The following CLMN variants were observed in gnomAD, a reference collection of about 807,000 sequenced individuals.
CLMN encodes calmin.
In CLMN, 57 loss-of-function variants were observed where a neutral mutation model predicts 92.7. The observed-to-expected ratio is 0.61, with a 90% CI of 0.50 to 0.77. CLMN has a LOEUF of 0.77. Ranked by LOEUF, CLMN falls within the 30% of genes least tolerant of loss-of-function variation. The pLI is 0.00. For missense variants in CLMN, 1,158 were observed against 1,237.5 expected, an observed-to-expected ratio of 0.94 and a Z score of 0.96; for synonymous variants, 466 against 470.6, an observed-to-expected ratio of 0.99 and a Z score of 0.13.
chr14:95,193,880 G>A lies in CLMN; in HGVS notation c.2809C>T (p.Leu937=). The change falls in exon 12 of 13, where the codon CTG becomes TTG. Residue 937 remains leucine, a synonymous_variant. Coordinates refer to ENST00000298912, the MANE Select transcript of CLMN (RefSeq NM_024734.4). ...SYVQLRNAAD[L]DDRRNRILTR... ...AATATTCGGTTTCTTCTGTCATCCA[G>A]ATCTGCTGCGTTCCTCAACTGAACA... 1 of 1,614,098 alleles carries A rather than the reference G, an allele frequency of 6.2e-7. No homozygotes were observed. Among genetic ancestry groups the A allele is most frequent in the Non-Finnish European group, 8.5e-7 (1 of 1,180,004 alleles).
intron 1 of CLMN, among the ~76,000 whole-genome samples, chr14:95,273,886 A>G (rs1899814252): frequency 6.6e-6 from 1 of 152,072 alleles, no homozygotes; most frequent in African/African-American, 2.4e-5. Context: ...CATGAACCTC[A>G]TGAACCTCAT....
intron 1 of CLMN, among the ~76,000 whole-genome samples, chr14:95,282,383 G>A (rs1900174073): frequency 6.6e-6 from 1 of 152,234 alleles, no homozygotes; most frequent in Non-Finnish European, 1.5e-5. Context: ...GGAAGCTTTT[G>A]TAGTCTAGGC....
chr14:95,209,676 G>A (rs1474903930), intron 7 of CLMN, among the ~76,000 whole-genome samples, 199 bp from the exon 8 acceptor site: 2 of 152,220 alleles, frequency 1.3e-5, no homozygotes, highest in Non-Finnish European at 2.9e-5. Context: ...AGAGAAGCAA[G>A]GATATAGAAT....
rs556716474 is a variant in CLMN, at chr14:95,242,429, T to G, written c.83-12296A>C. On this transcript the variant is annotated intron_variant, in intron 1 of 12. Coordinates refer to ENST00000298912, the MANE Select transcript of CLMN (RefSeq NM_024734.4). ...ATGCACCGCCATGCCTGGCTAATTT[T>G]TTGTATTTCTAGTAGAGATGGGGTT... Among the ~76,000 whole-genome samples, 13 of 151,732 alleles carry G rather than the reference T, an allele frequency of 8.6e-5. No homozygotes were observed. The South Asian group carries it at 2.5e-3, about 29-fold the overall frequency.
intron 1 of CLMN, among the ~76,000 whole-genome samples, chr14:95,267,912 C>A (rs2140714361): frequency 6.6e-6 from 1 of 152,278 alleles, no homozygotes; most frequent in East Asian, 1.9e-4. Flanking sequence ...GTTAAACAAC[C>A]AGGCATAAAA....
chr14:95,291,712 T>C (rs1204660170), intron 1 of CLMN, among the ~76,000 whole-genome samples: 1 of 152,108 alleles, frequency 6.6e-6, no homozygotes, highest in Admixed American at 6.5e-5. Context: ...ATCTGTCCTC[T>C]AAGATCACCA....
intron 1 of CLMN, among the ~76,000 whole-genome samples, chr14:95,297,825 A>G (rs1900873802): frequency 1.3e-5 from 2 of 151,572 alleles, no homozygotes; most frequent in South Asian, 4.2e-4. Flanking sequence ...ACACACACAC[A>G]CACACACACA....
chr14:95,249,356 G>A (rs1376969378), intron 1 of CLMN, among the ~76,000 whole-genome samples: 1 of 152,158 alleles, frequency 6.6e-6, no homozygotes, highest in East Asian at 1.9e-4. Flanking sequence ...AACCTGGTGG[G>A]AAACTGGCAC....
At chr14:95,283,109 T>C (rs527593817) in intron 1 of CLMN, among the ~76,000 whole-genome samples, 28 of 152,280 alleles carry the variant, frequency 1.8e-4, no homozygotes, top group Admixed American at 1.6e-3. Flanking sequence ...AATTCCCACA[T>C]GTTGTGAGAG....
At chr14:95,245,331 A>G (rs1254105702) in intron 1 of CLMN, among the ~76,000 whole-genome samples, 1 of 75,828 alleles carries the variant, frequency 1.3e-5, no homozygotes, top group Non-Finnish European at 2.3e-5. Context: ...GCTACCTCAA[A>G]TGTCCAAGAA....
chr14:95,318,721 C>T (rs149706650), intron 1 of CLMN, among the ~76,000 whole-genome samples: 29 of 152,204 alleles, frequency 1.9e-4, no homozygotes, highest in African/African-American at 7.0e-4. Context: ...AGAAACTTCA[C>T]CTGCACAGGT....
intron 1 of CLMN, among the ~76,000 whole-genome samples, chr14:95,245,209 T>TCAC (rs35600507): frequency 5.1e-5 from 1 of 19,626 alleles, no homozygotes; most frequent in Non-Finnish European, 8.1e-5. Flanking sequence ...ATATATATAT[T>TCAC]ATATATATAT....
chr14:95,197,985 G>A (rs1358439998), intron 9 of CLMN, among the ~76,000 whole-genome samples: 1 of 148,704 alleles, frequency 6.7e-6, no homozygotes, highest in Non-Finnish European at 1.5e-5. Context: ...TTCAAGATCA[G>A]AAGAAAAACT....
chr14:95,295,946 T>A (rs1007878408), intron 1 of CLMN, among the ~76,000 whole-genome samples: 6 of 152,250 alleles, frequency 3.9e-5, no homozygotes, highest in African/African-American at 1.4e-4. Flanking sequence ...ATGTGGTTGC[T>A]GAAAACAACC....
chr14:95,310,577 C>T (rs1901492501), intron 1 of CLMN, among the ~76,000 whole-genome samples: 1 of 152,224 alleles, frequency 6.6e-6, no homozygotes, highest in South Asian at 2.1e-4. Context: ...GTCCAGCCTA[C>T]AACGCTTCTA....
At chr14:95,257,408 C>T (rs543985487) in intron 1 of CLMN, among the ~76,000 whole-genome samples, 1 of 151,938 alleles carries the variant, frequency 6.6e-6, no homozygotes, top group Non-Finnish European at 1.5e-5. Flanking sequence ...TGACATAGAC[C>T]CTGCAGGAGC....
chr14:95,277,086 C>T (rs1412978300), intron 1 of CLMN, among the ~76,000 whole-genome samples: 1 of 152,180 alleles, frequency 6.6e-6, no homozygotes. Context: ...AGTCAGGCTT[C>T]AGCCTCTCTC....
chr14:95,284,261 T>A, intron 1 of CLMN, among the ~76,000 whole-genome samples: 1 of 152,138 alleles, frequency 6.6e-6, no homozygotes, highest in East Asian at 1.9e-4. Flanking sequence ...GATATATATA[T>A]GGAAATGCCT....
At chr14:95,227,066 T>A (rs1315162360) in intron 2 of CLMN, among the ~76,000 whole-genome samples, 1 of 151,946 alleles carries the variant, frequency 6.6e-6, no homozygotes, top group African/African-American at 2.4e-5. Flanking sequence ...GGAGACAGGA[T>A]TAATGGGGCA....
Sources: allele counts gnomAD v4.1 joint callset (sites outside exome capture counted in the v4.1 genomes callset), GRCh38; gene constraint gnomAD v4.1.1; transcripts MANE v1.5; gene names NCBI Gene and HGNC (gene_info 2026-07-23, HGNC 2026-07-21).